SH3TC2: variants seen among roughly 807,000 people sequenced by gnomAD.
The protein encoded by SH3TC2 is SH3 domain and tetratricopeptide repeat-containing protein 2.
In SH3TC2, 87 loss-of-function variants were observed where a neutral mutation model predicts 124.5. That is an observed-to-expected ratio of 0.70 (90% CI 0.59 to 0.84). SH3TC2 has a LOEUF of 0.84. SH3TC2 is among the 40% of genes least tolerant of loss of function. SH3TC2 has a pLI of 0.00. For synonymous variants in SH3TC2, 634 were observed against 628.5 expected (o/e 1.01, Z -0.13); for missense variants, 1,536 against 1,566.4 (o/e 0.98, Z 0.33).
intron 13 of SH3TC2, among the ~76,000 whole-genome samples, chr5:149,012,236 C>G (rs1228280381): frequency 6.6e-6 from 1 of 152,202 alleles, no homozygotes; most frequent in Non-Finnish European, 1.5e-5. Flanking sequence ...TTGCCTCAAA[C>G]TGCAGCAAAA....
intron 9 of SH3TC2, among the ~76,000 whole-genome samples, chr5:149,030,879 C>CA (rs1347012995): frequency 2.0e-5 from 3 of 152,228 alleles, no homozygotes; most frequent in Non-Finnish European, 2.9e-5. Flanking sequence ...CCCTGACACA[C>CA]AACAGTAGGC....
At chr5:149,038,575 G>A in intron 7 of SH3TC2, 85 bp from the exon 8 acceptor site, 1 of 1,417,034 alleles carries the variant, frequency 7.1e-7, no homozygotes, top group Non-Finnish European at 9.9e-7. Context: ...GAAAATGAGG[G>A]GTTCCCAGAC....
At chr5:149,038,705 C>T (rs1754323690) in intron 7 of SH3TC2, among the ~76,000 whole-genome samples, 1 of 152,198 alleles carries the variant, frequency 6.6e-6, no homozygotes, top group Non-Finnish European at 1.5e-5. Context: ...AAAAGAACTA[C>T]AATCCACTTT....
rs899069289 is a variant in SH3TC2, at chr5:149,004,523, C to T, written c.*188G>A. ...AAAGCCTGGAACCAGGAATTCTCAT[C>T]GCTGCACCATCAAATCTTTCTGTGG... On this transcript the variant is annotated 3_prime_UTR_variant, in exon 17 of 17. Transcript: ENST00000515425. The T allele has an allele frequency of 7.4e-5, 48 of 647,082 alleles. No individual in the cohort carries two copies. In the Admixed American group the frequency reaches 1.2e-3, roughly 17 times the overall value. 40.1% of individuals were successfully genotyped at this position (647,082 alleles called of 1,614,324 possible).
intron 16 of SH3TC2, among the ~76,000 whole-genome samples, 194 bp downstream of exon 16, chr5:149,006,687 G>T (rs1053127976): frequency 6.6e-6 from 1 of 152,182 alleles, no homozygotes; most frequent in African/African-American, 2.4e-5. Context: ...GCACCTTTGA[G>T]ATCTTCAGCA....
At chr5:149,048,059 CCA>C (rs1402513977) in intron 2 of SH3TC2, 70 bp from the exon 3 acceptor site, 5 of 1,598,586 alleles carry the variant, frequency 3.1e-6, no homozygotes, top group Admixed American at 1.7e-5. Flanking sequence ...TTAGATTAGC[CCA>C]CAGTTTCCCC....
rs968392211 is a variant in SH3TC2, at chr5:148,987,608, C to T, written c.*17103G>A. Among the ~76,000 whole-genome samples the T allele has an allele frequency of 5.9e-5, 9 of 152,238 alleles. No individual in the cohort carries two copies. Among genetic ancestry groups the T allele is most frequent in the Middle Eastern group, 3.4e-3 (1 of 294 alleles). On this transcript the variant is annotated 3_prime_UTR_variant, in exon 17 of 17. Coordinates refer to ENST00000515425, the MANE Select transcript of SH3TC2 (RefSeq NM_024577.4). ...CCTATAGCATTTTCAAAGAGTCTCA[C>T]TATATATAAACACTGAAATAACTAA...
chr5:149,021,879 T>C lies in SH3TC2; in HGVS notation c.3053+4693A>G, dbSNP rs528559035. 7.1e-4 allele frequency among the ~76,000 whole-genome samples: 39 copies of C among 55,090 alleles called. 3 individuals carry two copies. Among genetic ancestry groups the C allele is most frequent in the East Asian group, 1.5e-3 (3 of 2,044 alleles). The allele number at this position is 55,090 out of a possible 152,430, so 36.1% of individuals were successfully genotyped here. Reference sequence around the variant, plus strand: ...GAATTAACACCAATCCTTCACAAACTCTTTCTTTTTTTTTTTTTTTTTTTT... The same window carrying C: ...GAATTAACACCAATCCTTCACAAACCCTTTCTTTTTTTTTTTTTTTTTTTT... On this transcript the variant is annotated intron_variant, in intron 12 of 16. Transcript: ENST00000515425.
intron 6 of SH3TC2, 48 bp from the exon 7 acceptor site, chr5:149,040,725 C>T (rs1294121014): frequency 7.0e-7 from 1 of 1,434,940 alleles, no homozygotes; most frequent in Non-Finnish European, 9.8e-7. Flanking sequence ...CAAAAAATTG[C>T]AACAATGAAC....
rs897500539 is a variant in SH3TC2 at position 149,027,476 on chromosome 5, G to C, written c.2256C>G (p.Asp752Glu). The part of the protein sequence containing the change: ...QALAACEELA[D>E]RSTQRALCLI... ...GACACAGGGCCCTCTGGGTGCTCCG[G>C]TCTGCTAGTTCCTCACAGGCAGCCA... Residue 752 changes from aspartate (D) to glutamate (E), a missense_variant, in exon 11 of 17, where the codon GAC becomes GAG. By Grantham distance (45) the Asp-to-Glu change is conservative. Around this residue, in one of 3 missense-constraint regions of SH3TC2, gnomAD observed 1,102 missense variants for 1,098.6 expected, o/e 1.00. Transcript: ENST00000515425. 1.2e-6 allele frequency: 2 copies of C among 1,614,060 alleles called. No individual in the cohort carries two copies. The highest frequency in any genetic ancestry group is 2.7e-5 in the African/African-American group (2 of 74,938).
intron 2 of SH3TC2, 81 bp downstream of exon 2, chr5:149,052,061 G>C: frequency 1.0e-6 from 1 of 977,752 alleles, no homozygotes; most frequent in Non-Finnish European, 1.7e-6. Context: ...AAGAGGGAGG[G>C]GCTCTTTAGA....
chr5:149,022,702 G>A (rs766898181), intron 12 of SH3TC2, among the ~76,000 whole-genome samples: 60 of 152,194 alleles, frequency 3.9e-4, no homozygotes, highest in Non-Finnish European at 7.5e-4. Context: ...AATATTATTC[G>A]GCCATAAAAA....
In SH3TC2 at chr5:149,012,735, C is replaced by G; in HGVS notation, c.3054-1G>C. 6.2e-7 allele frequency: 1 copy of G among 1,614,078 alleles called. No homozygotes were observed. Among genetic ancestry groups the G allele is most frequent in the Non-Finnish European group, 8.5e-7 (1 of 1,180,022 alleles). On this transcript the variant is annotated splice_acceptor_variant, in intron 12 of 16. Transcript: ENST00000515425. LOFTEE classifies it high-confidence loss of function. The stretch of plus-strand genomic sequence containing the variant: ...GCATGTGAGTGACCTCCTGAGGGAC[C>G]TGGGGACAGACATGAACTTGTGAGG...
intron 8 of SH3TC2, among the ~76,000 whole-genome samples, chr5:149,035,063 T>C (rs779272024): frequency 6.6e-6 from 1 of 152,154 alleles, no homozygotes; most frequent in African/African-American, 2.4e-5. Flanking sequence ...AGTGGACAAC[T>C]TGCTGTCAAT....
chr5:149,023,843 G>A (rs550312357), intron 12 of SH3TC2, among the ~76,000 whole-genome samples: 210 of 152,104 alleles, frequency 1.4e-3, no homozygotes, highest in African/African-American at 5.0e-3. Flanking sequence ...CCTCAGCCTG[G>A]TTAAAAAGGT....
intron 1 of SH3TC2, among the ~76,000 whole-genome samples, chr5:149,061,789 G>C (rs1369467547): frequency 6.6e-6 from 1 of 152,054 alleles, no homozygotes; most frequent in African/African-American, 2.4e-5. Flanking sequence ...TACTCTCATG[G>C]GGCACAATGA....
Position 149,002,820 on chromosome 5 carries a change from A to C in SH3TC2, c.*1891T>G, listed in dbSNP as rs1445736790. On this transcript the variant is annotated 3_prime_UTR_variant, in exon 17 of 17. Coordinates refer to ENST00000515425, the MANE Select transcript of SH3TC2 (RefSeq NM_024577.4). ...ATACATCCCAGATCTACTGAATCAGAATTATTAGAGATAGAAACCAAGAAG... is the reference window on the plus strand; with the variant it reads ...ATACATCCCAGATCTACTGAATCAGCATTATTAGAGATAGAAACCAAGAAG... 2.0e-5 allele frequency: 3 copies of C among 152,236 alleles called. No individual in the cohort carries two copies. Among genetic ancestry groups the C allele is most frequent in the African/African-American group, 7.2e-5 (3 of 41,458 alleles). 9.4% of individuals were successfully genotyped at this position (152,236 alleles called of 1,614,324 possible).
At position 149,006,864 on chromosome 5, in the gene SH3TC2, G is replaced by C; in HGVS notation, c.3675+17C>G. The C allele has an allele frequency of 6.2e-7, 1 of 1,612,100 alleles. No individual in the cohort carries two copies. ...TGGGTGGTGGCTGTCAGGAAATCTG[G>C]GAAGTCTGGCTCTTACCTTCAGCTG... On this transcript the variant is annotated intron_variant, in intron 16 of 16. Coordinates refer to ENST00000515425, the MANE Select transcript of SH3TC2 (RefSeq NM_024577.4).
At position 149,008,863 on chromosome 5, in the gene SH3TC2, T is replaced by C. The variant is rs1320597279; in HGVS notation, c.3466A>G (p.Ser1156Gly). 2 of 1,614,192 alleles carry C rather than the reference T, an allele frequency of 1.2e-6. No homozygotes were observed. The highest frequency in any genetic ancestry group is 1.7e-5 in the Admixed American group (1 of 60,030). ...GAAGACCACCCACCTGTGACTGTGCTGAGCCTGGCGGCCAGGGTGGCAAAT... is the reference window on the plus strand; with the variant it reads ...GAAGACCACCCACCTGTGACTGTGCCGAGCCTGGCGGCCAGGGTGGCAAAT... Reference protein sequence around the residue: ...LEFATLAARLSTVTGDQRQEL... With the variant: ...LEFATLAARLGTVTGDQRQEL... Residue 1156 changes from serine to glycine, a missense_variant, in exon 15 of 17, where the codon AGC becomes GGC. Physicochemically the swap from Ser to Gly is moderately conservative, Grantham distance 56. Transcript: ENST00000515425.
Sources: allele counts gnomAD v4.1 joint callset (sites outside exome capture counted in the v4.1 genomes callset), GRCh38; gene constraint gnomAD v4.1.1; regional missense constraint gnomAD v4.1.1; transcripts MANE v1.5; gene names NCBI Gene and HGNC (gene_info 2026-07-23, HGNC 2026-07-21).